The following NEK11 variants were observed in gnomAD, a reference collection of about 807,000 sequenced individuals.
The protein encoded by NEK11 is NIMA related kinase 11.
Under a neutral mutation model 80.7 loss-of-function variants are expected in NEK11, and 72 were observed. That is an observed-to-expected ratio of 0.89 (90% CI 0.74 to 1.08). The LOEUF is 1.08. Ranked by LOEUF, NEK11 falls within the 50% of genes least tolerant of loss-of-function variation. The probability of loss-of-function intolerance (pLI) is 0.00; values close to 1 mark genes in which losing one functional copy is unlikely to be tolerated. For missense variants in NEK11, 764 were observed against 763.6 expected (o/e 1.00, Z -0.01); for synonymous variants, 251 against 260.7 (o/e 0.96, Z 0.36).
intron 17 of NEK11, among the ~76,000 whole-genome samples, chr3:131,323,239 A>G (rs972076445): frequency 6.6e-6 from 1 of 152,246 alleles, no homozygotes; most frequent in Non-Finnish European, 1.5e-5. Context: ...CAGCATTTCT[A>G]GGCAAAAAGC....
chr3:131,181,784 T>G (rs2093372145), intron 14 of NEK11, among the ~76,000 whole-genome samples: 1 of 150,080 alleles, frequency 6.7e-6, no homozygotes, highest in African/African-American at 2.4e-5. Context: ...TAACTTTGTG[T>G]TATGTTAAAT....
chr3:131,063,214 G>A (rs905312126), intron 3 of NEK11, among the ~76,000 whole-genome samples: 6 of 151,962 alleles, frequency 3.9e-5, no homozygotes, highest in Non-Finnish European at 8.8e-5. Context: ...TTATAGAGAG[G>A]GGGTCTCACT....
At chr3:131,305,396 T>C (rs2096712529) in intron 17 of NEK11, among the ~76,000 whole-genome samples, 3 of 151,946 alleles carry the variant, frequency 2.0e-5, no homozygotes, top group African/African-American at 7.3e-5. Flanking sequence ...GCTGCACTGC[T>C]AGCAGGCATG....
chr3:131,151,314 T>G (rs2089595715), intron 7 of NEK11, among the ~76,000 whole-genome samples: 1 of 152,072 alleles, frequency 6.6e-6, no homozygotes, highest in Non-Finnish European at 1.5e-5. Context: ...TTGTCAGTGC[T>G]TTGTAAAATG....
chr3:131,318,064 C>T (rs906551280), intron 17 of NEK11, among the ~76,000 whole-genome samples: 1 of 151,898 alleles, frequency 6.6e-6, no homozygotes, highest in African/African-American at 2.4e-5. Context: ...TCTATCTCTT[C>T]TCCCATTAGA....
chr3:131,178,104 A>G (rs752664617), intron 14 of NEK11, among the ~76,000 whole-genome samples: 8 of 152,208 alleles, frequency 5.3e-5, no homozygotes, highest in Non-Finnish European at 1.2e-4. Context: ...TAAAAACACA[A>G]TATAAAAGAT....
intron 17 of NEK11, among the ~76,000 whole-genome samples, chr3:131,296,222 C>T (rs893666770): frequency 3.9e-5 from 6 of 152,126 alleles, no homozygotes; most frequent in Non-Finnish European, 7.4e-5. Flanking sequence ...TAATTCTCTC[C>T]TCCATCCCTT....
rs375921303 is a variant in NEK11 at position 131,199,785 on chromosome 3, C to T, written c.1400-28743C>T. ...TTAGACTAGACTAGTTTTCATAAAGCTTATATACCACTAAAGCAGAAATTA... is the reference window on the plus strand; with the variant it reads ...TTAGACTAGACTAGTTTTCATAAAGTTTATATACCACTAAAGCAGAAATTA... On this transcript the variant is annotated intron_variant, in intron 14 of 17. Transcript: ENST00000383366. Among the ~76,000 whole-genome samples, 25 of 152,138 alleles carry T rather than the reference C, an allele frequency of 1.6e-4. No individual in the cohort carries two copies. In the South Asian group the frequency reaches 4.8e-3, roughly 29 times the overall value.
Position 131,165,525 on chromosome 3 carries a change from T to C in NEK11, c.1176+6T>C, listed in dbSNP as rs375133156. On this transcript the variant is annotated splice_donor_region_variant and intron_variant, in intron 12 of 17. Transcript: ENST00000383366. ...TGAGTGTTGATGTACTCCATGTAAG[T>C]ACCCTCTTATTTTAAATTTTACATA... 1.3e-6 allele frequency: 2 copies of C among 1,562,288 alleles called. No individual in the cohort carries two copies. The highest frequency in any genetic ancestry group is 1.8e-6 in the Non-Finnish European group (2 of 1,140,810).
intron 4 of NEK11, among the ~76,000 whole-genome samples, chr3:131,082,624 T>G (rs1276342644): frequency 6.6e-6 from 1 of 152,228 alleles, no homozygotes; most frequent in Admixed American, 6.5e-5. Flanking sequence ...TAAATAACCA[T>G]ATGTGGCTCC....
chr3:131,239,814 T>TTTCATTCATTCATTCATTCA (rs139825448), intron 15 of NEK11, among the ~76,000 whole-genome samples: 2 of 151,850 alleles, frequency 1.3e-5, no homozygotes, highest in African/African-American at 4.8e-5. Context: ...GCTAGGTAGC[T>TTTCATTCATTCATTCATTCA]TTCATTCATT....
chr3:131,224,575 TA>T (rs1207997393), intron 14 of NEK11, among the ~76,000 whole-genome samples: 2 of 152,018 alleles, frequency 1.3e-5, no homozygotes, highest in South Asian at 2.1e-4. Flanking sequence ...TTCTACTTAT[TA>T]AAAAAAATTA....
At chr3:131,151,526 G>A (rs1193149213) in intron 7 of NEK11, among the ~76,000 whole-genome samples, 2 of 151,974 alleles carry the variant, frequency 1.3e-5, no homozygotes, top group African/African-American at 4.8e-5. Context: ...TACATAAAAT[G>A]TAACTTACAC....
intron 4 of NEK11, among the ~76,000 whole-genome samples, chr3:131,107,482 C>T (rs1227251099): frequency 6.6e-6 from 1 of 152,066 alleles, no homozygotes; most frequent in Non-Finnish European, 1.5e-5. Flanking sequence ...TTTCACTCCT[C>T]TTCTGAAGGT....
At chr3:131,310,010 A>C (rs1205637885) in intron 17 of NEK11, among the ~76,000 whole-genome samples, 3 of 148,026 alleles carry the variant, frequency 2.0e-5, no homozygotes, top group East Asian at 2.0e-4. Flanking sequence ...AAAAAAAAAA[A>C]AAAAAAAAAA....
chr3:131,100,257 C>T (rs1560400543), intron 4 of NEK11, among the ~76,000 whole-genome samples: 1 of 152,126 alleles, frequency 6.6e-6, no homozygotes, highest in East Asian at 1.9e-4. Flanking sequence ...GGGTGAATCA[C>T]ATTTATTGAT....
intron 17 of NEK11, among the ~76,000 whole-genome samples, chr3:131,302,395 C>G (rs538639848): frequency 6.6e-6 from 1 of 152,082 alleles, no homozygotes; most frequent in Non-Finnish European, 1.5e-5. Flanking sequence ...TTGTCTTCAG[C>G]TTTGGGGTTG....
chr3:131,176,648 C>A (rs1162658097), intron 14 of NEK11, among the ~76,000 whole-genome samples: 2 of 152,134 alleles, frequency 1.3e-5, no homozygotes, highest in Non-Finnish European at 1.5e-5. Flanking sequence ...AAGATTATAT[C>A]CAATTTGAAA....
chr3:131,302,833 G>A (rs34492599), intron 17 of NEK11, among the ~76,000 whole-genome samples: 41,071 of 152,030 alleles, frequency 0.27, 6,903 homozygotes, highest in Middle Eastern at 0.45. Context: ...CTGTTGTTTG[G>A]GGTGGAGAGT....
Sources: gnomAD v4.1 joint callset for allele counts (sites outside exome capture counted in the v4.1 genomes callset) on GRCh38, gnomAD v4.1.1 for gene constraint, MANE v1.5 for transcripts, NCBI Gene and HGNC (gene_info 2026-07-23, HGNC 2026-07-21) for gene names.